HS6ST3: variants seen among roughly 807,000 people sequenced by gnomAD.
HS6ST3 encodes heparan-sulfate 6-O-sulfotransferase 3.
A neutral mutation model predicts 36.7 loss-of-function variants in HS6ST3; 12 were observed. That is an observed-to-expected ratio of 0.33 (90% CI 0.21 to 0.53). The LOEUF is 0.53. Among genes scored for constraint, HS6ST3 ranks in the 20% least tolerant of loss-of-function variants. The pLI is 0.95. For synonymous variants in HS6ST3, 240 were observed against 257.5 expected (o/e 0.93, Z 0.65); for missense variants, 584 against 640.9 (o/e 0.91, Z 0.96).
intron 1 of HS6ST3, among the ~76,000 whole-genome samples, chr13:96,686,517 T>C (rs141637569): frequency 2.0e-5 from 3 of 152,172 alleles, no homozygotes; most frequent in African/African-American, 7.2e-5. Context: ...TCATCGTTTT[T>C]TATTGTTGTT....
chr13:96,394,735 T>C (rs926328162), intron 1 of HS6ST3, among the ~76,000 whole-genome samples: 9 of 152,320 alleles, frequency 5.9e-5, no homozygotes, highest in East Asian at 1.9e-4. Context: ...CCAGTTCTTA[T>C]GGTACATTGT....
intron 1 of HS6ST3, among the ~76,000 whole-genome samples, chr13:96,133,100 G>A (rs764491398): frequency 5.3e-5 from 8 of 151,648 alleles, no homozygotes; most frequent in Non-Finnish European, 7.4e-5. Context: ...TGTTTCCTTT[G>A]CTGTGTAGAA....
chr13:96,207,323 G>A (rs2054375641), intron 1 of HS6ST3, among the ~76,000 whole-genome samples: 2 of 152,008 alleles, frequency 1.3e-5, no homozygotes, highest in South Asian at 4.1e-4. Context: ...GGTTAAGGTT[G>A]CAGAGAAAAA....
At chr13:96,295,519 C>T (rs931780578) in intron 1 of HS6ST3, among the ~76,000 whole-genome samples, 3 of 152,102 alleles carry the variant, frequency 2.0e-5, no homozygotes, top group Non-Finnish European at 4.4e-5. Flanking sequence ...GGCTTCAGTA[C>T]AGATGTTGAG....
chr13:96,288,127 G>GT (rs993013553), intron 1 of HS6ST3, among the ~76,000 whole-genome samples: 3 of 151,462 alleles, frequency 2.0e-5, no homozygotes, highest in African/African-American at 7.3e-5. Context: ...CTGGAAATCT[G>GT]TTGTAATAAG....
At chr13:96,614,297 C>CAAAAAAAAAAAAAAAAA (rs67979751) in intron 1 of HS6ST3, among the ~76,000 whole-genome samples, 2 of 43,948 alleles carry the variant, frequency 4.6e-5, no homozygotes, top group African/African-American at 9.3e-5. Context: ...GGATCCATCT[C>CAAAAAAAAAAAAAAAAA]AAAAAAAAAA....
At chr13:96,764,946 C>A (rs1389265176) in intron 1 of HS6ST3, among the ~76,000 whole-genome samples, 1 of 151,772 alleles carries the variant, frequency 6.6e-6, no homozygotes, top group African/African-American at 2.4e-5. Flanking sequence ...ATTCATTGGC[C>A]ATGTCGTTAA....
chr13:96,502,646 G>A (rs948748398), intron 1 of HS6ST3, among the ~76,000 whole-genome samples: 26 of 152,086 alleles, frequency 1.7e-4, no homozygotes, highest in Admixed American at 1.6e-3. Context: ...TAAGAATTCC[G>A]TACAAGTTTA....
intron 1 of HS6ST3, among the ~76,000 whole-genome samples, chr13:96,166,705 C>T (rs1305387817): frequency 1.3e-5 from 2 of 151,608 alleles, no homozygotes; most frequent in African/African-American, 4.8e-5. Flanking sequence ...AGCCACTGTA[C>T]CCTGCCATAA....
At chr13:96,569,736 GAC>G (rs2056294412) in intron 1 of HS6ST3, among the ~76,000 whole-genome samples, 1 of 152,144 alleles carries the variant, frequency 6.6e-6, no homozygotes, top group East Asian at 1.9e-4. Flanking sequence ...AGGAAATAAA[GAC>G]CAATTTGTCT....
chr13:96,538,115 C>T (rs1306595358), intron 1 of HS6ST3, among the ~76,000 whole-genome samples: 1 of 152,148 alleles, frequency 6.6e-6, no homozygotes, highest in Non-Finnish European at 1.5e-5. Flanking sequence ...AATAGGAGGA[C>T]CCAAACACGA....
intron 1 of HS6ST3, among the ~76,000 whole-genome samples, chr13:96,287,887 A>G (rs1398279742): frequency 6.6e-6 from 1 of 152,128 alleles, no homozygotes; most frequent in Non-Finnish European, 1.5e-5. Flanking sequence ...AGATTATTTA[A>G]TTCTCACAGT....
chr13:96,593,174 CTTTTTTTTTTTT>C (rs35380296), intron 1 of HS6ST3, among the ~76,000 whole-genome samples: 6 of 46,600 alleles, frequency 1.3e-4, no homozygotes, highest in Non-Finnish European at 2.1e-4. Context: ...TTCTTTCTTT[CTTTTTTTTTTTT>C]TTTTTTTTTT....
intron 1 of HS6ST3, among the ~76,000 whole-genome samples, chr13:96,192,810 A>T (rs2054294613): frequency 6.6e-6 from 1 of 152,032 alleles, no homozygotes; most frequent in Non-Finnish European, 1.5e-5. Flanking sequence ...GAAAATTTTT[A>T]AAAGACATGA....
intron 1 of HS6ST3, among the ~76,000 whole-genome samples, chr13:96,423,749 G>C (rs917239219): frequency 2.0e-5 from 3 of 151,928 alleles, no homozygotes; most frequent in African/African-American, 4.8e-5. Context: ...TCCCTGTGAT[G>C]GTACACTTCC....
chr13:96,532,468 A>C (rs2056139544), intron 1 of HS6ST3, among the ~76,000 whole-genome samples: 1 of 152,214 alleles, frequency 6.6e-6, no homozygotes. Flanking sequence ...GTATTTGCTA[A>C]CTATGGGACT....
chr13:96,177,063 C>T (rs1437778795), intron 1 of HS6ST3, among the ~76,000 whole-genome samples: 2 of 152,102 alleles, frequency 1.3e-5, no homozygotes, highest in Non-Finnish European at 2.9e-5. Context: ...ATCAAAACCA[C>T]AATGAGATAC....
At chr13:96,828,226 A>G (rs1301794830) in intron 1 of HS6ST3, among the ~76,000 whole-genome samples, 2 of 152,232 alleles carry the variant, frequency 1.3e-5, no homozygotes, top group Non-Finnish European at 2.9e-5. Flanking sequence ...TTACTTAAAG[A>G]TTTTGAAGTT....
At chr13:96,776,806 A>G (rs1732788860) in intron 1 of HS6ST3, among the ~76,000 whole-genome samples, 1 of 152,190 alleles carries the variant, frequency 6.6e-6, no homozygotes, top group African/African-American at 2.4e-5. Flanking sequence ...ATTCCAAACA[A>G]TAGAAACAGA....
Sources: gnomAD v4.1 joint callset for allele counts (sites outside exome capture counted in the v4.1 genomes callset) on GRCh38, gnomAD v4.1.1 for gene constraint, MANE v1.5 for transcripts, NCBI Gene and HGNC (gene_info 2026-07-23, HGNC 2026-07-21) for gene names.